CD96: variants seen among roughly 807,000 people sequenced by gnomAD.
CD96 encodes T-cell surface protein tactile.
CD96 carries 70 observed loss-of-function variants against 71.3 expected under a neutral mutation model. That is an observed-to-expected ratio of 0.98 (90% CI 0.81 to 1.20). CD96 has a LOEUF of 1.20. Among genes scored for constraint, CD96 ranks in the 50% most tolerant of loss-of-function variants. The pLI, the probability that CD96 is intolerant of heterozygous loss-of-function variation, is 0.00. For synonymous variants in CD96, 248 were observed against 233.0 expected (o/e 1.06, Z -0.59); for missense variants, 742 against 677.5 (o/e 1.10, Z -1.06).
intron 5 of CD96, among the ~76,000 whole-genome samples, chr3:111,596,645 AC>A (rs1202787397): frequency 2.0e-5 from 3 of 152,228 alleles, no homozygotes; most frequent in Admixed American, 6.5e-5. Flanking sequence ...TTTTAAAAAA[AC>A]ATTTTACCTC....
chr3:111,593,820 C>T lies in CD96; in HGVS notation c.808-4300C>T, dbSNP rs186768110. ...TCAATGCCTGTGGGGAGCTGGGGCC[C>T]GTGGGGCCTTGGATCCTGGCGCTGC... On this transcript the variant is annotated intron_variant, in intron 5 of 13. Transcript: ENST00000352690. The T allele has an allele frequency of 1.9e-5, 30 of 1,614,166 alleles. No homozygotes were observed. Among genetic ancestry groups the T allele is most frequent in the East Asian group, 6.7e-5 (3 of 44,880 alleles).
chr3:111,594,220 T>C (rs1464921309), intron 5 of CD96: 4 of 1,567,616 alleles, frequency 2.6e-6, no homozygotes, highest in Non-Finnish European at 3.5e-6. Flanking sequence ...TTCTACAGCG[T>C]TCTTTATGAT....
chr3:111,642,815 A>G (rs1939653925), intron 12 of CD96, among the ~76,000 whole-genome samples: 1 of 152,112 alleles, frequency 6.6e-6, no homozygotes, highest in South Asian at 2.1e-4. Flanking sequence ...TAAAAAAAAA[A>G]TAAATAAATA....
intron 8 of CD96, among the ~76,000 whole-genome samples, chr3:111,617,326 G>A (rs1938292332): frequency 1.3e-5 from 2 of 152,230 alleles, no homozygotes; most frequent in African/African-American, 2.4e-5. Context: ...AGTTCCAAGT[G>A]AAGTCCATGG....
chr3:111,657,529 T>C (rs1940261899), intron 14 of CD96, among the ~76,000 whole-genome samples: 1 of 150,878 alleles, frequency 6.6e-6, no homozygotes, highest in African/African-American at 2.4e-5. Flanking sequence ...AAGGTGAGAA[T>C]TGTAAGCAAA....
intron 2 of CD96, among the ~76,000 whole-genome samples, chr3:111,551,619 T>C (rs1358204269): frequency 6.6e-6 from 1 of 152,078 alleles, no homozygotes; most frequent in Non-Finnish European, 1.5e-5. Context: ...GTTATATAGG[T>C]AAATGTGTGC....
intron 8 of CD96, among the ~76,000 whole-genome samples, chr3:111,615,850 T>C (rs1316944745): frequency 6.6e-6 from 1 of 152,206 alleles, no homozygotes; most frequent in African/African-American, 2.4e-5. Flanking sequence ...TCCCTTTCTC[T>C]TGCTTTGCTC....
intron 14 of CD96, among the ~76,000 whole-genome samples, chr3:111,664,460 AG>A (rs761808466): frequency 7.9e-5 from 12 of 152,236 alleles, no homozygotes; most frequent in Non-Finnish European, 1.8e-4. Context: ...CTAAACATTT[AG>A]CACATCTGGA....
At chr3:111,654,551 C>G (rs987265813), downstream of CD96, among the ~76,000 whole-genome samples, 1 of 152,188 alleles carries the variant, frequency 6.6e-6, no homozygotes, top group African/African-American at 2.4e-5. Flanking sequence ...TCTCTGTTAT[C>G]CAAATCTCCA....
intron 14 of CD96, among the ~76,000 whole-genome samples, chr3:111,662,892 T>C (rs1940391190): frequency 6.6e-6 from 1 of 152,236 alleles, no homozygotes; most frequent in Non-Finnish European, 1.5e-5. Flanking sequence ...CAATGTTGTG[T>C]CCACATTTTC....
chr3:111,617,561 G>A (rs763486251), intron 8 of CD96, among the ~76,000 whole-genome samples: 64 of 152,254 alleles, frequency 4.2e-4, no homozygotes, highest in Non-Finnish European at 7.1e-4. Flanking sequence ...GCAGAAAGGA[G>A]CTACCCACTA....
intron 2 of CD96, among the ~76,000 whole-genome samples, chr3:111,560,125 T>A (rs1483011974): frequency 6.6e-6 from 1 of 151,382 alleles, no homozygotes. Flanking sequence ...ATGGGTTTCC[T>A]GAATACAACA....
At chr3:111,571,033 T>G in intron 3 of CD96, 2 of 1,306,186 alleles carry the variant, frequency 1.5e-6, no homozygotes. Context: ...GTCAGCGGCT[T>G]GTAGGAGGGA....
In CD96 at chr3:111,600,863, C is replaced by T. The variant is rs200729689; in HGVS notation, c.1036C>T (p.Pro346Ser). The T allele has an allele frequency of 2.8e-4, 457 of 1,613,122 alleles. 3 individuals are homozygous for T. The highest frequency in any genetic ancestry group is 1.7e-3 in the Middle Eastern group (10 of 6,058). The change falls in exon 7 of 14, where the codon CCA (proline) becomes TCA (serine). Residue 346 changes from proline to serine, a missense_variant. By Grantham distance (74) the Pro-to-Ser change is moderately conservative. Transcript: ENST00000352690. ...TIWCMALSPV[P>S]GNKVWNISSE... ...TTGGTGTATGGCTCTGTCTCCAGTC[C>T]CAGGAAATAAAGTGTGGAACATCTC...
At chr3:111,602,401 G>A (rs1401971786) in intron 7 of CD96, among the ~76,000 whole-genome samples, 1 of 151,990 alleles carries the variant, frequency 6.6e-6, no homozygotes, top group East Asian at 1.9e-4. Context: ...ATTGTATAGG[G>A]CAGAGCTTGA....
chr3:111,614,720 TCTCC>T (rs1938143535), intron 8 of CD96, among the ~76,000 whole-genome samples: 1 of 152,134 alleles, frequency 6.6e-6, no homozygotes, highest in Admixed American at 6.5e-5. Context: ...CTGTCTCTCT[TCTCC>T]ATGCCCATTC....
chr3:111,568,666 T>A (rs1482492095), intron 3 of CD96, among the ~76,000 whole-genome samples: 2 of 152,252 alleles, frequency 1.3e-5, no homozygotes, highest in African/African-American at 4.8e-5. Context: ...TTCTGCCTAA[T>A]GCATCAGTTT....
At chr3:111,611,204 T>G (rs1559755420) in intron 8 of CD96, among the ~76,000 whole-genome samples, 1 of 152,030 alleles carries the variant, frequency 6.6e-6, no homozygotes, top group Non-Finnish European at 1.5e-5. Context: ...ATACTTAGAG[T>G]AAAACACTAG....
chr3:111,654,620 GT>G (rs1441840428), downstream of CD96, among the ~76,000 whole-genome samples: 2 of 152,218 alleles, frequency 1.3e-5, no homozygotes, highest in Non-Finnish European at 2.9e-5. Context: ...CTGTGGCATT[GT>G]GATTGTGGGG....
Sources: allele counts gnomAD v4.1 joint callset (sites outside exome capture counted in the v4.1 genomes callset), GRCh38; gene constraint gnomAD v4.1.1; transcripts MANE v1.5; gene names NCBI Gene and HGNC (gene_info 2026-07-23, HGNC 2026-07-21).